The following FBXO3 variants were observed in gnomAD, a reference collection of about 807,000 sequenced individuals.
FBXO3 encodes F-box protein 3.
In FBXO3, 17 loss-of-function variants were observed where a neutral mutation model predicts 64.8. The ratio of observed to expected loss-of-function variants is 0.26; its 90% confidence interval spans 0.18 to 0.39. The LOEUF is 0.39. Ranked by LOEUF, FBXO3 falls within the 10% of genes least tolerant of loss-of-function variation. FBXO3 has a pLI of 1.00. For synonymous variants in FBXO3, 182 were observed against 201.6 expected, an observed-to-expected ratio of 0.90 and a Z score of 0.82; for missense variants, 420 against 589.9, an observed-to-expected ratio of 0.71 and a Z score of 2.98.
Position 33,758,618 on chromosome 11 carries a change from AAG to A in FBXO3, c.359-19_359-18del, listed in dbSNP as rs766387650. ...GAGCACCCTCTATAAAGGCACAAAA[AAG>A]AGTGAATTGTGAAGAAACAGCCTTA... is the stretch of plus-strand genomic sequence containing the variant. On this transcript the variant is annotated intron_variant, in intron 3 of 10. Transcript: ENST00000265651. 1 of 1,539,652 alleles carries A rather than the reference AAG, an allele frequency of 6.5e-7. No homozygotes were observed. Among genetic ancestry groups the A allele is most frequent in the East Asian group, 2.3e-5 (1 of 43,712 alleles).
intron 10 of FBXO3, 37 bp from the exon 11 acceptor site, chr11:33,742,121 TC>T (rs1854702198): frequency 6.8e-7 from 1 of 1,472,060 alleles, no homozygotes; most frequent in Non-Finnish European, 9.0e-7. Flanking sequence ...AAGAAGAGCA[TC>T]TATCAGTTTT....
intron 4 of FBXO3, among the ~76,000 whole-genome samples, chr11:33,757,678 A>AAAAAAAAAAAAC (rs1251528490): frequency 7.0e-6 from 1 of 143,166 alleles, no homozygotes; most frequent in Non-Finnish European, 1.5e-5. Context: ...AAAAAAAAAA[A>AAAAAAAAAAAAC]AAAGTCTGGG....
At chr11:33,747,347 C>A in intron 9 of FBXO3, 27 bp from the exon 10 acceptor site, 1 of 1,556,148 alleles carries the variant, frequency 6.4e-7, no homozygotes, top group South Asian at 1.1e-5. Flanking sequence ...AACAATAAAC[C>A]AAAGTATAAA....
At position 33,741,812 on chromosome 11, in the gene FBXO3, C is replaced by T. The variant is rs1854692442; in HGVS notation, c.*96G>A. The T allele has an allele frequency of 7.5e-6, 9 of 1,195,684 alleles. No homozygotes were observed. In the South Asian group the frequency reaches 1.7e-4, roughly 23 times the overall value. 74.1% of individuals were successfully genotyped at this position (1,195,684 alleles called of 1,614,324 possible). ...GAAACAATATTTCATGCTAGTTTTC[C>T]TGCTATATGCAGAGAACAATTTAGT... On this transcript the variant is annotated 3_prime_UTR_variant, in exon 11 of 11. Coordinates refer to ENST00000265651, the MANE Select transcript of FBXO3 (RefSeq NM_012175.4).
intron 3 of FBXO3, among the ~76,000 whole-genome samples, chr11:33,762,825 A>G (rs986818966): frequency 1.3e-5 from 2 of 152,092 alleles, no homozygotes; most frequent in Non-Finnish European, 2.9e-5. Context: ...CAAAGGCAAA[A>G]GCCAGCTCTT....
chr11:33,748,965 T>C (rs768540722), intron 8 of FBXO3, 73 bp from the exon 9 acceptor site: 116 of 961,276 alleles, frequency 1.2e-4, no homozygotes, highest in Non-Finnish European at 1.7e-4. Context: ...GATACAGTAT[T>C]CAGGCTAATA....
chr11:33,759,941 G>C (rs1467875956), intron 3 of FBXO3, among the ~76,000 whole-genome samples: 4 of 152,148 alleles, frequency 2.6e-5, no homozygotes, highest in African/African-American at 4.8e-5. Context: ...GCAAATCATA[G>C]TTTTAAAGCT....
chr11:33,760,600 G>A (rs1855220298), intron 3 of FBXO3, among the ~76,000 whole-genome samples: 1 of 151,986 alleles, frequency 6.6e-6, no homozygotes. Context: ...GGCTATGATT[G>A]TGCCACTGCA....
chr11:33,758,392 A>T, intron 4 of FBXO3, 95 bp downstream of exon 4: 1 of 783,878 alleles, frequency 1.3e-6, no homozygotes. Context: ...ATGCTTCTTT[A>T]ATTTGTTAAG....
chr11:33,746,686 G>T, intron 10 of FBXO3: 1 of 1,294,892 alleles, frequency 7.7e-7, no homozygotes, highest in Non-Finnish European at 1.1e-6. Flanking sequence ...AATATACCTA[G>T]TTGACTTAAG....
chr11:33,774,515 A>G lies in FBXO3; in HGVS notation c.-18T>C, dbSNP rs376305440. Reference sequence around the variant, plus strand: ...GCCGCCATCTTGCCTGGCCCGGTGCAGGTCTGGCCCCGCCCTGGCCCCGCC... The same window carrying G: ...GCCGCCATCTTGCCTGGCCCGGTGCGGGTCTGGCCCCGCCCTGGCCCCGCC... On this transcript the variant is annotated 5_prime_UTR_variant, in exon 1 of 11. Transcript: ENST00000265651. 5.0e-4 allele frequency: 745 copies of G among 1,480,898 alleles called. 1 individual carries two copies. Among genetic ancestry groups the G allele is most frequent in the Non-Finnish European group, 6.3e-4 (705 of 1,117,262 alleles). 91.7% of individuals were successfully genotyped at this position (1,480,898 alleles called of 1,614,324 possible).
chr11:33,770,026 A>G (rs761628269), intron 2 of FBXO3, among the ~76,000 whole-genome samples: 1 of 152,190 alleles, frequency 6.6e-6, no homozygotes, highest in Non-Finnish European at 1.5e-5. Flanking sequence ...AGGTATTTCT[A>G]GAAGTTACCT....
intron 3 of FBXO3, among the ~76,000 whole-genome samples, chr11:33,759,754 C>T (rs551007759): frequency 2.9e-5 from 4 of 136,956 alleles, no homozygotes; most frequent in South Asian, 2.4e-4. Context: ...CATAATACAT[C>T]GTTATTGGAG....
chr11:33,745,022 C>T (rs1031408365), intron 10 of FBXO3: 5 of 152,158 alleles, frequency 3.3e-5, no homozygotes, highest in East Asian at 1.9e-4. Flanking sequence ...AGGATCAAGT[C>T]GACCCAATAG....
chr11:33,744,083 C>T (rs1348627588), intron 10 of FBXO3: 1 of 151,942 alleles, frequency 6.6e-6, no homozygotes, highest in Non-Finnish European at 1.5e-5. Context: ...ACTGATACGA[C>T]TTATAAGACA....
At position 33,748,415 on chromosome 11, in the gene FBXO3, C is replaced by G. The variant is rs1270819157; in HGVS notation, c.1048+362G>C. Among the ~76,000 whole-genome samples the G allele has an allele frequency of 2.6e-5, 4 of 152,016 alleles. No homozygotes were observed. The East Asian group carries it at 7.7e-4, about 29-fold the overall frequency. ...TAAGAAAGCCAAATGACAATGGTAA[C>G]CAGAATTAAAGTGACTGAAATCTAC... On this transcript the variant is annotated intron_variant, in intron 9 of 10. Transcript: ENST00000265651.
intron 1 of FBXO3, chr11:33,771,921 C>T (rs1055716361): frequency 2.6e-5 from 4 of 152,174 alleles, no homozygotes; most frequent in African/African-American, 9.7e-5. Context: ...ATTCAATGCA[C>T]ATCGAGAGTG....
At chr11:33,774,259 A>C in intron 1 of FBXO3, 135 bp downstream of exon 1, 2 of 737,946 alleles carry the variant, frequency 2.7e-6, no homozygotes, top group Non-Finnish European at 2.2e-6. Context: ...GCTCCGCAGG[A>C]TGAGGGCGGC....
intron 10 of FBXO3, chr11:33,746,591 A>G: frequency 1.5e-6 from 1 of 688,788 alleles, no homozygotes; most frequent in Non-Finnish European, 2.6e-6. Flanking sequence ...GAGCTTCATA[A>G]CTTTCTTTAA....
Sources: allele counts gnomAD v4.1 joint callset (sites outside exome capture counted in the v4.1 genomes callset), GRCh38; gene constraint gnomAD v4.1.1; transcripts MANE v1.5; gene names NCBI Gene and HGNC (gene_info 2026-07-23, HGNC 2026-07-21).